Variants in AUTS2 observed in about 807,000 individuals in gnomAD.
The protein encoded by AUTS2 is activator of transcription and developmental regulator AUTS2, also known as autism susceptibility gene 2 protein.
In AUTS2, 17 loss-of-function variants were observed where a neutral mutation model predicts 112.4. The ratio of observed to expected loss-of-function variants is 0.15; its 90% CI spans 0.10 to 0.23. The LOEUF (loss-of-function observed/expected upper bound fraction) is 0.23. Among genes scored for constraint, AUTS2 ranks in the 10% least tolerant of loss-of-function variants. The pLI is 1.00. For synonymous variants in AUTS2, 751 were observed against 702.7 expected (o/e 1.07, Z -1.09); for missense variants, 1,510 against 1,701.6 (o/e 0.89, Z 1.98).
intron 5 of AUTS2, among the ~76,000 whole-genome samples, chr7:70,489,093 A>AGG (rs1798137711): frequency 6.6e-6 from 1 of 152,254 alleles, no homozygotes; most frequent in South Asian, 2.1e-4. Flanking sequence ...ATTTGAGGAA[A>AGG]CCAACAAAAA....
At chr7:70,741,797 G>C (rs940031307) in intron 6 of AUTS2, among the ~76,000 whole-genome samples, 76 of 152,282 alleles carry the variant, frequency 5.0e-4, no homozygotes, top group Middle Eastern at 3.4e-3. Context: ...AGGAGGGTTG[G>C]AGCCGGTGGT....
chr7:70,737,002 C>G (rs1008374974), intron 6 of AUTS2, among the ~76,000 whole-genome samples: 2 of 152,182 alleles, frequency 1.3e-5, no homozygotes, highest in African/African-American at 4.8e-5. Context: ...TCCCTCATAA[C>G]AGTCTCCCCA....
At chr7:69,965,680 G>T (rs1269017770) in intron 2 of AUTS2, among the ~76,000 whole-genome samples, 1 of 152,076 alleles carries the variant, frequency 6.6e-6, no homozygotes, top group Non-Finnish European at 1.5e-5. Flanking sequence ...GAATTGAGAG[G>T]GGCCAGTAGG....
intron 2 of AUTS2, among the ~76,000 whole-genome samples, chr7:70,000,560 G>T (rs117242871): frequency 0.024 from 3,586 of 152,240 alleles, 70 homozygotes; most frequent in Admixed American, 0.039. Flanking sequence ...CCTTTGGTTA[G>T]AAGACTGGTA....
At chr7:69,858,514 G>C (rs181839762) in intron 1 of AUTS2, among the ~76,000 whole-genome samples, 1 of 152,170 alleles carries the variant, frequency 6.6e-6, no homozygotes, top group Admixed American at 6.5e-5. Flanking sequence ...CTGACTTTCT[G>C]TGAAACTCCA....
intron 6 of AUTS2, among the ~76,000 whole-genome samples, chr7:70,752,146 C>G (rs574794481): frequency 6.6e-6 from 1 of 151,832 alleles, no homozygotes; most frequent in Non-Finnish European, 1.5e-5. Flanking sequence ...CTAAGAATCG[C>G]GGAAGGAGTC....
intron 2 of AUTS2, among the ~76,000 whole-genome samples, chr7:70,021,894 T>A (rs1229808480): frequency 6.6e-6 from 1 of 152,114 alleles, no homozygotes; most frequent in Non-Finnish European, 1.5e-5. Flanking sequence ...TAGATTGAGA[T>A]AAATGTGTGT....
chr7:69,773,648 A>G (rs1044317641), intron 1 of AUTS2, among the ~76,000 whole-genome samples: 4 of 152,098 alleles, frequency 2.6e-5, no homozygotes, highest in Non-Finnish European at 4.4e-5. Flanking sequence ...TTGATCTTCC[A>G]CACTGGTCCT....
chr7:69,716,016 G>A (rs1184126074), intron 1 of AUTS2, among the ~76,000 whole-genome samples: 1 of 152,180 alleles, frequency 6.6e-6, no homozygotes, highest in African/African-American at 2.4e-5. Context: ...TGATGGCAAA[G>A]AGCATGTCTA....
chr7:70,574,879 G>A (rs760593026), intron 5 of AUTS2, among the ~76,000 whole-genome samples: 1 of 152,166 alleles, frequency 6.6e-6, no homozygotes, highest in East Asian at 1.9e-4. Context: ...ACTTCACTGA[G>A]CACCTGATTA....
intron 6 of AUTS2, among the ~76,000 whole-genome samples, chr7:70,746,230 TC>T (rs1371816533): frequency 4.6e-5 from 7 of 152,164 alleles, no homozygotes; most frequent in Non-Finnish European, 8.8e-5. Context: ...CGCTGCCACT[TC>T]CGCCTCCCGG....
At chr7:70,621,815 T>G (rs1804686850) in intron 5 of AUTS2, among the ~76,000 whole-genome samples, 1 of 149,258 alleles carries the variant, frequency 6.7e-6, no homozygotes, top group African/African-American at 2.5e-5. Flanking sequence ...CTAGGCAGGC[T>G]TACGTTAGTG....
chr7:69,954,564 C>T (rs1797145881), intron 2 of AUTS2, among the ~76,000 whole-genome samples: 1 of 152,190 alleles, frequency 6.6e-6, no homozygotes, highest in East Asian at 1.9e-4. Context: ...CTGCCTTGGC[C>T]CCCCAGTTGC....
At chr7:70,656,500 C>A (rs531299459) in intron 5 of AUTS2, among the ~76,000 whole-genome samples, 46 of 152,162 alleles carry the variant, frequency 3.0e-4, no homozygotes, top group African/African-American at 1.1e-3. Flanking sequence ...TGGAGCTAAT[C>A]CTGAAATACT....
chr7:70,110,455 G>A (rs1805011019), intron 2 of AUTS2, among the ~76,000 whole-genome samples: 1 of 152,196 alleles, frequency 6.6e-6, no homozygotes, highest in Non-Finnish European at 1.5e-5. Context: ...GGCAGAGGTT[G>A]CAGTGAGCCG....
At chr7:70,248,632 AT>A (rs557519433) in intron 4 of AUTS2, among the ~76,000 whole-genome samples, 2 of 151,364 alleles carry the variant, frequency 1.3e-5, no homozygotes, top group Non-Finnish European at 2.9e-5. Flanking sequence ...CCCTTTCTAC[AT>A]TTTTTTTCTG....
At chr7:69,704,176 G>C (rs879481369) in intron 1 of AUTS2, among the ~76,000 whole-genome samples, 6 of 151,980 alleles carry the variant, frequency 3.9e-5, no homozygotes, top group Non-Finnish European at 5.9e-5. Flanking sequence ...TGTTGAACTG[G>C]GTTCTAAAAA....
intron 5 of AUTS2, among the ~76,000 whole-genome samples, chr7:70,526,047 C>T (rs1200953806): frequency 6.6e-6 from 1 of 152,082 alleles, no homozygotes; most frequent in Admixed American, 6.5e-5. Context: ...TGAATCCTAC[C>T]TAGAGAAAAA....
At chr7:69,844,795 CTT>C (rs1048282362) in intron 1 of AUTS2, among the ~76,000 whole-genome samples, 10 of 152,134 alleles carry the variant, frequency 6.6e-5, no homozygotes, top group Non-Finnish European at 1.3e-4. Context: ...ATTTAGGAAT[CTT>C]AATCCCTCTA....
Sources: allele counts gnomAD v4.1 joint callset (sites outside exome capture counted in the v4.1 genomes callset), GRCh38; gene constraint gnomAD v4.1.1; transcripts MANE v1.5; gene names NCBI Gene and HGNC (gene_info 2026-07-23, HGNC 2026-07-21).